The following HIVEP3 variants were observed in gnomAD, a reference collection of about 807,000 sequenced individuals.
The protein encoded by HIVEP3 is HIVEP zinc finger 3, also known as transcription factor HIVEP3.
Under a neutral mutation model 152.8 loss-of-function variants are expected in HIVEP3, and 49 were observed. The observed-to-expected ratio is 0.32, with a 90% CI of 0.26 to 0.41. The LOEUF is 0.41. HIVEP3 is among the 10% of genes least tolerant of loss of function. The probability of loss-of-function intolerance (pLI) is 1.00; values close to 1 mark genes in which losing one functional copy is unlikely to be tolerated. For missense variants in HIVEP3, 2,790 were observed against 3,103.3 expected, an observed-to-expected ratio of 0.90 and a Z score of 2.40; for synonymous variants, 1,269 against 1,289.0, an observed-to-expected ratio of 0.98 and a Z score of 0.33.
intron 3 of HIVEP3, among the ~76,000 whole-genome samples, chr1:41,613,651 A>C (rs115411526): frequency 2.2e-3 from 337 of 152,378 alleles, no homozygotes; most frequent in African/African-American, 7.7e-3. Flanking sequence ...TCTCATAAAC[A>C]TAACTCTTTA....
chr1:41,670,047 G>A (rs1211174791), intron 2 of HIVEP3, among the ~76,000 whole-genome samples: 1 of 152,136 alleles, frequency 6.6e-6, no homozygotes, highest in African/African-American at 2.4e-5. Flanking sequence ...TCACTCCCTG[G>A]GAGGGCCTCT....
At chr1:42,035,676 C>G (rs1313099851) in intron 1 of HIVEP3, 2 of 151,978 alleles carry the variant, frequency 1.3e-5, no homozygotes, top group African/African-American at 4.8e-5. Context: ...GGGCTCTCGT[C>G]CCGCCCCCCG....
chr1:41,874,132 C>T (rs1186239486), intron 1 of HIVEP3, among the ~76,000 whole-genome samples: 1 of 152,222 alleles, frequency 6.6e-6, no homozygotes, highest in African/African-American at 2.4e-5. Context: ...TCTTAGAAAG[C>T]AATCAGAAAT....
chr1:41,574,181 G>GA (rs1187730590), intron 5 of HIVEP3, among the ~76,000 whole-genome samples: 1 of 152,064 alleles, frequency 6.6e-6, no homozygotes, highest in East Asian at 1.9e-4. Flanking sequence ...AAGCAAGAAG[G>GA]AAGAGGGCCA....
intron 1 of HIVEP3, among the ~76,000 whole-genome samples, chr1:41,729,023 T>A (rs1453427317): frequency 1.3e-5 from 2 of 152,156 alleles, no homozygotes; most frequent in Non-Finnish European, 1.5e-5. Context: ...AGTCACCATC[T>A]CCCACATGGA....
chr1:41,893,395 C>T (rs1273987918), intron 1 of HIVEP3, among the ~76,000 whole-genome samples: 2 of 152,162 alleles, frequency 1.3e-5, no homozygotes, highest in African/African-American at 4.8e-5. Flanking sequence ...GCAGTTTAGC[C>T]CCCCTAGGGA....
intron 1 of HIVEP3, among the ~76,000 whole-genome samples, chr1:41,963,887 C>T (rs1330072002): frequency 1.3e-5 from 2 of 152,246 alleles, no homozygotes; most frequent in African/African-American, 4.8e-5. Flanking sequence ...CAGATTCTGA[C>T]GTAATATGAC....
chr1:41,860,849 C>T (rs2124398160), intron 1 of HIVEP3, among the ~76,000 whole-genome samples: 1 of 152,310 alleles, frequency 6.6e-6, no homozygotes, highest in Non-Finnish European at 1.5e-5. Context: ...GGCTAATTTT[C>T]CTGTGGGCAC....
chr1:41,826,928 C>T (rs1294051121), intron 1 of HIVEP3, among the ~76,000 whole-genome samples: 3 of 152,188 alleles, frequency 2.0e-5, no homozygotes, highest in Non-Finnish European at 4.4e-5. Context: ...CTTATTACTG[C>T]TGTTTTACAG....
chr1:41,769,412 G>T (rs1190930575), intron 1 of HIVEP3, among the ~76,000 whole-genome samples: 1 of 152,108 alleles, frequency 6.6e-6, no homozygotes, highest in African/African-American at 2.4e-5. Flanking sequence ...GCTGTTCTCT[G>T]CCCTTTGGAA....
At chr1:41,977,126 T>C (rs1325892412) in intron 1 of HIVEP3, among the ~76,000 whole-genome samples, 1 of 152,016 alleles carries the variant, frequency 6.6e-6, no homozygotes, top group African/African-American at 2.4e-5. Context: ...GTGGGGAGAA[T>C]GAGTTGGGGC....
intron 1 of HIVEP3, among the ~76,000 whole-genome samples, chr1:41,720,432 C>T (rs561399165): frequency 1.3e-5 from 2 of 152,344 alleles, no homozygotes; most frequent in South Asian, 4.1e-4. Flanking sequence ...CTCTGACTCA[C>T]CCAGTTCCAG....
At chr1:41,766,212 G>C (rs537623474) in intron 1 of HIVEP3, among the ~76,000 whole-genome samples, 2 of 152,334 alleles carry the variant, frequency 1.3e-5, no homozygotes, top group South Asian at 4.1e-4. Flanking sequence ...TCAACTGGGG[G>C]TGTCTTGCTT....
At chr1:41,736,989 G>A (rs998576920) in intron 1 of HIVEP3, among the ~76,000 whole-genome samples, 1 of 152,110 alleles carries the variant, frequency 6.6e-6, no homozygotes, top group African/African-American at 2.4e-5. Context: ...TTAGACCCTG[G>A]TGCCTACTAC....
chr1:41,660,523 T>C (rs771421091), intron 2 of HIVEP3, among the ~76,000 whole-genome samples: 3 of 152,210 alleles, frequency 2.0e-5, no homozygotes, highest in Non-Finnish European at 2.9e-5. Context: ...GGCCACTGTT[T>C]AGCTGTGTGA....
intron 1 of HIVEP3, among the ~76,000 whole-genome samples, chr1:41,883,648 C>T (rs1570733197): frequency 6.6e-6 from 1 of 152,230 alleles, no homozygotes; most frequent in East Asian, 1.9e-4. Context: ...AGGATCGAGC[C>T]TGCCCCCTCA....
At chr1:41,629,676 C>T (rs1645165675) in intron 2 of HIVEP3, among the ~76,000 whole-genome samples, 2 of 152,164 alleles carry the variant, frequency 1.3e-5, no homozygotes, top group Non-Finnish European at 2.9e-5. Flanking sequence ...GAAAAAAATG[C>T]TCAACGTCAC....
chr1:41,658,580 C>CA (rs1466583845), intron 2 of HIVEP3, among the ~76,000 whole-genome samples: 38 of 152,310 alleles, frequency 2.5e-4, no homozygotes, highest in Non-Finnish European at 5.4e-4. Flanking sequence ...ACTTCACCCC[C>CA]CCCATGAGCC....
intron 1 of HIVEP3, among the ~76,000 whole-genome samples, chr1:41,729,946 A>C (rs1229817012): frequency 6.6e-6 from 1 of 152,238 alleles, no homozygotes; most frequent in Non-Finnish European, 1.5e-5. Flanking sequence ...AGGGAGGCAC[A>C]AAGGCAGGGC....
Sources: allele counts gnomAD v4.1 joint callset (sites outside exome capture counted in the v4.1 genomes callset), GRCh38; gene constraint gnomAD v4.1.1; transcripts MANE v1.5; gene names NCBI Gene and HGNC (gene_info 2026-07-23, HGNC 2026-07-21).